The following NEURL1B variants were observed in gnomAD, a reference collection of about 807,000 sequenced individuals.
NEURL1B encodes the protein neuralized E3 ubiquitin protein ligase 1B.
NEURL1B carries 13 observed loss-of-function variants against 37.4 expected under a neutral mutation model. The observed-to-expected ratio is 0.35, with a 90% confidence interval of 0.23 to 0.55. NEURL1B has a LOEUF of 0.55. Ranked by LOEUF, NEURL1B falls within the 20% of genes least tolerant of loss-of-function variation. The probability of loss-of-function intolerance (pLI) is 0.89; values close to 1 mark genes in which losing one functional copy is unlikely to be tolerated. For synonymous variants in NEURL1B, 432 were observed against 426.6 expected (o/e 1.01, Z -0.16); for missense variants, 790 against 879.2 (o/e 0.90, Z 1.28).
intron 1 of NEURL1B, 83 bp from the exon 2 acceptor site, chr5:172,669,702 G>T (rs887463335): frequency 2.0e-6 from 2 of 1,023,318 alleles, no homozygotes; most frequent in African/African-American, 1.7e-5. Flanking sequence ...AATTTCAAAT[G>T]AAAATGATTG....
At chr5:172,648,648 A>C (rs1194681324) in intron 1 of NEURL1B, among the ~76,000 whole-genome samples, 1 of 152,260 alleles carries the variant, frequency 6.6e-6, no homozygotes. Flanking sequence ...GAGGGTTCCC[A>C]TGGAGGACAT....
chr5:172,687,720 T>A lies in NEURL1B; in HGVS notation c.*795T>A, dbSNP rs537731157. ...ACACATCATACCTTGTCTCCGTCTC[T>A]GGAGGCAAGTCTCTGTAATGCCCTT... On this transcript the variant is annotated 3_prime_UTR_variant, in exon 5 of 5. Transcript: ENST00000369800. 4 of 152,248 alleles carry A rather than the reference T, an allele frequency of 2.6e-5. No homozygotes were observed. Among genetic ancestry groups the A allele is most frequent in the African/African-American group, 9.6e-5 (4 of 41,534 alleles). The allele number at this position is 152,248 out of a possible 1,614,324, so 9.4% of individuals were successfully genotyped here. A position where few individuals can be genotyped will look rare whatever the true frequency, so the allele number is the denominator to read the frequency against.
intron 3 of NEURL1B, among the ~76,000 whole-genome samples, chr5:172,685,824 G>T (rs1011697216): frequency 6.6e-6 from 1 of 152,162 alleles, no homozygotes; most frequent in Non-Finnish European, 1.5e-5. Flanking sequence ...GCAGAATTGG[G>T]TCTCGGGCCT....
intron 2 of NEURL1B, among the ~76,000 whole-genome samples, chr5:172,678,691 G>A (rs776473855): frequency 9.9e-4 from 150 of 152,256 alleles, no homozygotes; most frequent in Middle Eastern, 6.8e-3. Context: ...CCAGTAACCC[G>A]GTGTCATTCT....
intron 1 of NEURL1B, among the ~76,000 whole-genome samples, chr5:172,663,848 T>C (rs895403461): frequency 2.7e-5 from 4 of 149,160 alleles, no homozygotes; most frequent in South Asian, 2.1e-4. Flanking sequence ...ATTATTATTA[T>C]TATTATTATT....
chr5:172,678,823 A>G (rs1427779316), intron 2 of NEURL1B, among the ~76,000 whole-genome samples: 5 of 152,114 alleles, frequency 3.3e-5, no homozygotes, highest in African/African-American at 4.8e-5. Flanking sequence ...CTCTGTCCCC[A>G]GTTGTCCCTG....
intron 2 of NEURL1B, 101 bp downstream of exon 2, chr5:172,670,431 T>G: frequency 1.0e-6 from 1 of 973,568 alleles, no homozygotes; most frequent in South Asian, 3.7e-5. Context: ...GAGAGCTCCT[T>G]TTGCCAGGCG....
Position 172,684,148 on chromosome 5 carries a change from C to T in NEURL1B, c.1297+10C>T, listed in dbSNP as rs1758431894. The T allele has an allele frequency of 1.6e-6, 2 of 1,230,400 alleles. No homozygotes were observed. Among genetic ancestry groups the T allele is most frequent in the East Asian group, 6.7e-5 (2 of 29,674 alleles). 76.2% of individuals were successfully genotyped at this position (1,230,400 alleles called of 1,614,324 possible). On this transcript the variant is annotated intron_variant, in intron 3 of 4. Transcript: ENST00000369800. Reference sequence around the variant, plus strand: ...CAGCTGCGTCTCCTCGGTGAGTCCCCGGCCCCGCGTGCGCGAGGCCCCGCC... The same window carrying T: ...CAGCTGCGTCTCCTCGGTGAGTCCCTGGCCCCGCGTGCGCGAGGCCCCGCC...
intron 1 of NEURL1B, among the ~76,000 whole-genome samples, chr5:172,642,783 A>T (rs750577827): frequency 4.6e-5 from 7 of 152,208 alleles, no homozygotes; most frequent in Non-Finnish European, 1.0e-4. Context: ...CAGAGGTGGG[A>T]TTAGAACCCA....
chr5:172,683,394 C>T lies in NEURL1B; in HGVS notation c.578-25C>T. The T allele has an allele frequency of 2.3e-6, 3 of 1,308,034 alleles. No homozygotes were observed. The highest frequency in any genetic ancestry group is 2.9e-6 in the Non-Finnish European group (3 of 1,022,460). The allele number at this position is 1,308,034 out of a possible 1,614,324, so 81.0% of individuals were successfully genotyped here. A position where few individuals can be genotyped will look rare whatever the true frequency, so the allele number is the denominator to read the frequency against. ...GCCTGACGCGCGGCCTCTCCCCCTC[C>T]ATGTCCCTCCCTTTGTCCGCACAGA... is the stretch of plus-strand genomic sequence containing the variant. On this transcript the variant is annotated intron_variant, in intron 2 of 4. Transcript: ENST00000369800. The surrounding 1 kb of genome is among the most constrained non-coding windows in gnomAD (Gnocchi z 5.6).
In NEURL1B at chr5:172,685,720, C is replaced by T. The variant is rs543131560; in HGVS notation, c.1298-451C>T. On this transcript the variant is annotated intron_variant, in intron 3 of 4. Coordinates refer to ENST00000369800, the MANE Select transcript of NEURL1B (RefSeq NM_001142651.3). ...CCTCTGTGTTGGCATCACTCTCAGGCAGGCCTTTGCCACGGGTTGGCTCTT... is the reference window on the plus strand; with the variant it reads ...CCTCTGTGTTGGCATCACTCTCAGGTAGGCCTTTGCCACGGGTTGGCTCTT... Among the ~76,000 whole-genome samples the T allele has an allele frequency of 1.1e-4, 17 of 152,358 alleles. 1 individual carries two copies. The East Asian group carries it at 2.5e-3, about 22-fold the overall frequency.
chr5:172,686,314 CTGGCAGGGGCAGGGG>C lies in NEURL1B; in HGVS notation c.1423+19_1423+33del, dbSNP rs1195134187. The C allele has an allele frequency of 6.4e-7, 1 of 1,551,250 alleles. No homozygotes were observed. Among genetic ancestry groups the C allele is most frequent in the East Asian group, 2.4e-5 (1 of 40,918 alleles). ...ATCCCTGGGTAAGGAAATGCAAACCCTGGCAGGGGCAGGGGCTGGCGGCTGGCCTGGCTCCTCCGG... is the reference window on the plus strand; with the variant it reads ...ATCCCTGGGTAAGGAAATGCAAACCCCTGGCGGCTGGCCTGGCTCCTCCGG... On this transcript the variant is annotated intron_variant, in intron 4 of 4. Transcript: ENST00000369800. This position sits in a 1 kb window ranked among gnomAD's most constrained non-coding sequence, Gnocchi z 7.9.
intron 1 of NEURL1B, among the ~76,000 whole-genome samples, chr5:172,658,803 TG>T (rs1380793770): frequency 6.6e-6 from 1 of 152,178 alleles, no homozygotes; most frequent in East Asian, 1.9e-4. Flanking sequence ...GTCCTATGGG[TG>T]GGGGGCCATT....
At chr5:172,648,466 T>TATC in intron 1 of NEURL1B, among the ~76,000 whole-genome samples, 1 of 152,338 alleles carries the variant, frequency 6.6e-6, no homozygotes, top group East Asian at 1.9e-4. Flanking sequence ...CGTCCATGTC[T>TATC]ATCAGGACAA....
At position 172,683,376 on chromosome 5, in the gene NEURL1B, G is replaced by A; in HGVS notation, c.578-43G>A. ...AGGAGGGGCTCGCGACCAGCCTGAC[G>A]CGCGGCCTCTCCCCCTCCATGTCCC... On this transcript the variant is annotated intron_variant, in intron 2 of 4. Transcript: ENST00000369800. The surrounding 1 kb of genome is among the most constrained non-coding windows in gnomAD (Gnocchi z 5.6). 7 of 1,279,640 alleles carry A rather than the reference G, an allele frequency of 5.5e-6. No homozygotes were observed. In the South Asian group the frequency reaches 1.4e-4, roughly 26 times the overall value. The allele number at this position is 1,279,640 out of a possible 1,614,324, so 79.3% of individuals were successfully genotyped here. A position where few individuals can be genotyped will look rare whatever the true frequency, so the allele number is the denominator to read the frequency against.
rs1382216802 is a variant in NEURL1B, at chr5:172,647,246, G to C, written c.31+5809G>C. Among the ~76,000 whole-genome samples, 2 of 152,148 alleles carry C rather than the reference G, an allele frequency of 1.3e-5. No homozygotes were observed. Among genetic ancestry groups the C allele is most frequent in the African/African-American group, 2.4e-5 (1 of 41,422 alleles). On this transcript the variant is annotated intron_variant, in intron 1 of 4. Coordinates refer to ENST00000369800, the MANE Select transcript of NEURL1B (RefSeq NM_001142651.3). This position sits in a 1 kb window ranked among gnomAD's most constrained non-coding sequence, Gnocchi z 4.2. Reference sequence around the variant, plus strand: ...GTGTGGTTAGAGCTTAGAGCAGAGAGGGAAGAGGGAGGGCGCCAGGTCGCA... The same window carrying C: ...GTGTGGTTAGAGCTTAGAGCAGAGACGGAAGAGGGAGGGCGCCAGGTCGCA...
chr5:172,669,888 C>G lies in NEURL1B; in HGVS notation c.135C>G (p.Ala45=). ...AGGCGCCGCGCTTCCACGCGCAGGC[C>G]AAAGGCAAGAACGTGCGGCTGGACG... ...LGEAPRFHAQ[A]KGKNVRLDGH... Residue 45 remains alanine, a synonymous_variant, in exon 2 of 5, where the codon GCC becomes GCG. Coordinates refer to ENST00000369800, the MANE Select transcript of NEURL1B (RefSeq NM_001142651.3). The G allele has an allele frequency of 6.9e-7, 1 of 1,443,882 alleles. No homozygotes were observed. Among genetic ancestry groups the G allele is most frequent in the Non-Finnish European group, 9.1e-7 (1 of 1,101,564 alleles). 89.4% of individuals were successfully genotyped at this position (1,443,882 alleles called of 1,614,324 possible). A position where few individuals can be genotyped will look rare whatever the true frequency, so the allele number is the denominator to read the frequency against.
Position 172,687,298 on chromosome 5 carries a change from T to TGA in NEURL1B, c.*390_*391dup, listed in dbSNP as rs147474603. On this transcript the variant is annotated 3_prime_UTR_variant, in exon 5 of 5. Coordinates refer to ENST00000369800, the MANE Select transcript of NEURL1B (RefSeq NM_001142651.3). ...AGGGAGAACAGAGAGAATGTGTGTG[T>TGA]GAGAGAGAGAGAGAGAGAATGAACG... The TGA allele has an allele frequency of 3.3e-3, 641 of 191,354 alleles. 7 individuals carry two copies. The highest frequency in any genetic ancestry group is 0.013 in the African/African-American group (578 of 42,912). 11.9% of individuals were successfully genotyped at this position (191,354 alleles called of 1,614,324 possible). A position where few individuals can be genotyped will look rare whatever the true frequency, so the allele number is the denominator to read the frequency against.
Position 172,641,831 on chromosome 5 carries a change from C to A in NEURL1B, c.31+394C>A, listed in dbSNP as rs2113244882. Among the ~76,000 whole-genome samples, 1 of 152,326 alleles carries A rather than the reference C, an allele frequency of 6.6e-6. No individual in the cohort carries two copies. Among genetic ancestry groups the A allele is most frequent in the Admixed American group, 6.5e-5 (1 of 15,314 alleles). ...GGGCTTCCGACGGTCAGAAGCCACC[C>A]GTGGTGCCAAGACTGCAGCTGCCGA... On this transcript the variant is annotated intron_variant, in intron 1 of 4. Transcript: ENST00000369800. This position sits in a 1 kb window ranked among gnomAD's most constrained non-coding sequence, Gnocchi z 6.4.
Sources: gnomAD v4.1 joint callset for allele counts (sites outside exome capture counted in the v4.1 genomes callset) on GRCh38, gnomAD v4.1.1 for gene constraint, Gnocchi (gnomAD v3.1) non-coding constraint, MANE v1.5 for transcripts, NCBI Gene and HGNC (gene_info 2026-07-23, HGNC 2026-07-21) for gene names.